Variants in LRCH3 observed in about 807,000 individuals in gnomAD.
The protein encoded by LRCH3 is leucine rich repeats and calponin homology domain containing 3.
In LRCH3, 68 loss-of-function variants were observed where a neutral mutation model predicts 104.5. The ratio of observed to expected loss-of-function variants is 0.65; its 90% CI spans 0.54 to 0.80. LRCH3 has a LOEUF of 0.80. Among genes scored for constraint, LRCH3 ranks in the 30% least tolerant of loss-of-function variants. The pLI, the probability that LRCH3 is intolerant of heterozygous loss-of-function variation, is 0.00. For missense variants in LRCH3, 951 were observed against 953.9 expected (o/e 1.00, Z 0.04); for synonymous variants, 344 against 361.3 (o/e 0.95, Z 0.54).
At chr3:197,846,576 C>T (rs1296011772) in intron 10 of LRCH3, among the ~76,000 whole-genome samples, 1 of 150,994 alleles carries the variant, frequency 6.6e-6, no homozygotes, top group Non-Finnish European at 1.5e-5. Context: ...ACAAAGACAG[C>T]TGGGCGTGAT....
chr3:197,871,624 G>T, intron 19 of LRCH3, 162 bp downstream of exon 19: 1 of 873,516 alleles, frequency 1.1e-6, no homozygotes, highest in Non-Finnish European at 1.7e-6. Flanking sequence ...AAATAGACAT[G>T]TATACAGCTA....
At position 197,835,671 on chromosome 3, in the gene LRCH3, C is replaced by T; in HGVS notation, c.1103-3C>T. ...TGTGTGGGTGTGTGTGTGGTGTATA[C>T]AGTGGAACATGATCTGGATCAGATT... is the stretch of plus-strand genomic sequence containing the variant. On this transcript the variant is annotated splice_region_variant and splice_polypyrimidine_tract_variant and intron_variant, in intron 8 of 20. Transcript: ENST00000425562. 6.2e-7 allele frequency: 1 copy of T among 1,610,952 alleles called. No homozygotes were observed. Among genetic ancestry groups the T allele is most frequent in the South Asian group, 1.1e-5 (1 of 90,804 alleles).
At chr3:197,800,581 G>A (rs1309334974) in intron 1 of LRCH3, among the ~76,000 whole-genome samples, 2 of 152,150 alleles carry the variant, frequency 1.3e-5, no homozygotes, top group Non-Finnish European at 2.9e-5. Context: ...GTGAATTGGT[G>A]CCTCAACTTT....
Position 197,854,583 on chromosome 3 carries a change from A to C in LRCH3, c.1644+138A>C, listed in dbSNP as rs761920743. 2.1e-4 allele frequency: 177 copies of C among 826,608 alleles called. No homozygotes were observed. The highest frequency in any genetic ancestry group is 3.3e-4 in the Non-Finnish European group (168 of 505,528). The allele number at this position is 826,608 out of a possible 1,614,324, so 51.2% of individuals were successfully genotyped here. Reference sequence around the variant, plus strand: ...TTATGAAGAACTAAACCATTTTCCCACATGACCATTTGTGATTGACCCAGT... The same window carrying C: ...TTATGAAGAACTAAACCATTTTCCCCCATGACCATTTGTGATTGACCCAGT... On this transcript the variant is annotated intron_variant, in intron 14 of 20. Transcript: ENST00000425562. This position sits in a 1 kb window ranked among gnomAD's most constrained non-coding sequence, Gnocchi z 4.5.
rs547896433 is a variant in LRCH3, at chr3:197,820,318, G to A, written c.535-7G>A. ...GACAATCTTTATTTTGTATCTTTTC[G>A]AAATAGGATGTGAGCTGCAATGAAA... On this transcript the variant is annotated splice_region_variant and splice_polypyrimidine_tract_variant and intron_variant, in intron 3 of 20. Coordinates refer to ENST00000425562, the MANE Select transcript of LRCH3 (RefSeq NM_001365715.1). 3.6e-5 allele frequency: 57 copies of A among 1,588,674 alleles called. No homozygotes were observed. The highest frequency in any genetic ancestry group is 2.2e-4 in the East Asian group (10 of 44,720).
At chr3:197,840,584 T>G (rs754794085) in intron 10 of LRCH3, among the ~76,000 whole-genome samples, 7 of 152,360 alleles carry the variant, frequency 4.6e-5, no homozygotes, top group Admixed American at 2.0e-4. Flanking sequence ...CAGCCTTTAG[T>G]TCTTTGCCTT....
chr3:197,800,273 T>C (rs1467151032), intron 1 of LRCH3, among the ~76,000 whole-genome samples: 1 of 152,196 alleles, frequency 6.6e-6, no homozygotes, highest in Non-Finnish European at 1.5e-5. Context: ...GCCACAGTCT[T>C]CTTAAGATTT....
At position 197,826,488 on chromosome 3, in the gene LRCH3, C is replaced by G. The variant is rs566728691; in HGVS notation, c.641-390C>G. Among the ~76,000 whole-genome samples, 3 of 152,264 alleles carry G rather than the reference C, an allele frequency of 2.0e-5. No individual in the cohort carries two copies. In the East Asian group the frequency reaches 5.8e-4, roughly 29 times the overall value. On this transcript the variant is annotated intron_variant, in intron 4 of 20. Coordinates refer to ENST00000425562, the MANE Select transcript of LRCH3 (RefSeq NM_001365715.1). ...TTCACTAGAAAATAACTTGCTGATT[C>G]CTGGGAACATTGGAGAAGGATAGTG...
At chr3:197,794,230 ACT>A (rs1256319845) in intron 1 of LRCH3, among the ~76,000 whole-genome samples, 1 of 152,146 alleles carries the variant, frequency 6.6e-6, no homozygotes, top group Non-Finnish European at 1.5e-5. Flanking sequence ...GGTTCATCTA[ACT>A]CTGTTCTTTC....
chr3:197,820,631 G>A (rs780989622), intron 4 of LRCH3, among the ~76,000 whole-genome samples: 7 of 152,222 alleles, frequency 4.6e-5, no homozygotes, highest in Non-Finnish European at 1.0e-4. Flanking sequence ...GGCAATATAG[G>A]GAGTCTGTCT....
At chr3:197,858,145 A>T (rs1425908031) in intron 14 of LRCH3, among the ~76,000 whole-genome samples, 1 of 152,240 alleles carries the variant, frequency 6.6e-6, no homozygotes, top group Non-Finnish European at 1.5e-5. Context: ...CAAATGAGAA[A>T]AATTGTCATG....
intron 1 of LRCH3, among the ~76,000 whole-genome samples, chr3:197,798,298 A>G (rs756716996): frequency 1.3e-5 from 2 of 152,156 alleles, no homozygotes; most frequent in East Asian, 3.8e-4. Flanking sequence ...GAGAGAAGCA[A>G]TCTCAGATTA....
At chr3:197,857,647 T>G (rs1178330924) in intron 14 of LRCH3, among the ~76,000 whole-genome samples, 1 of 152,258 alleles carries the variant, frequency 6.6e-6, no homozygotes, top group Non-Finnish European at 1.5e-5. Context: ...TTACCTCTTC[T>G]TCCTCCACTC....
At chr3:197,839,196 G>C in intron 9 of LRCH3, 125 bp from the exon 10 acceptor site, 2 of 626,586 alleles carry the variant, frequency 3.2e-6, no homozygotes, top group Non-Finnish European at 5.5e-6. Context: ...GTTTACATTT[G>C]AAGAGTCTAT....
chr3:197,883,398 C>A lies in LRCH3; in HGVS notation c.2209-143C>A. 1 of 1,397,838 alleles carries A rather than the reference C, an allele frequency of 7.2e-7. No individual in the cohort carries two copies. Among genetic ancestry groups the A allele is most frequent in the Non-Finnish European group, 9.4e-7 (1 of 1,068,520 alleles). 86.6% of individuals were successfully genotyped at this position (1,397,838 alleles called of 1,614,324 possible). A position where few individuals can be genotyped will look rare whatever the true frequency, so the allele number is the denominator to read the frequency against. ...ACCATCTCTCTAACTCATATTTACACTGAGGTCAGTTTCCCAGGTACTAAT... is the reference window on the plus strand; with the variant it reads ...ACCATCTCTCTAACTCATATTTACAATGAGGTCAGTTTCCCAGGTACTAAT... On this transcript the variant is annotated intron_variant, in intron 20 of 20. Coordinates refer to ENST00000425562, the MANE Select transcript of LRCH3 (RefSeq NM_001365715.1). The surrounding 1 kb of genome is among the most constrained non-coding windows in gnomAD (Gnocchi z 4.2).
chr3:197,833,390 AAGC>A (rs1736237700), intron 8 of LRCH3, among the ~76,000 whole-genome samples: 4 of 150,022 alleles, frequency 2.7e-5, no homozygotes, highest in Non-Finnish European at 5.9e-5. Flanking sequence ...AAAAAAAAAA[AAGC>A]AGGGCATAGT....
At chr3:197,875,399 G>C (rs1340654645) in intron 19 of LRCH3, among the ~76,000 whole-genome samples, 1 of 152,226 alleles carries the variant, frequency 6.6e-6, no homozygotes, top group Non-Finnish European at 1.5e-5. Context: ...GCATTTAGCT[G>C]ATGCCTCTGA....
At position 197,813,510 on chromosome 3, in the gene LRCH3, ATT is replaced by A. The variant is rs57062885; in HGVS notation, c.263-1361_263-1360del. ...CCGTTCTTCTAATGGGAGGCATATA[ATT>A]TTTTTTTTTTTTTTTTTTTTTTTTT... On this transcript the variant is annotated intron_variant, in intron 1 of 20. Transcript: ENST00000425562. Among the ~76,000 whole-genome samples, 30 of 66,038 alleles carry A rather than the reference ATT, an allele frequency of 4.5e-4. 3 individuals carry two copies. The highest frequency in any genetic ancestry group is 1.0e-3 in the African/African-American group (22 of 21,186). The allele number at this position is 66,038 out of a possible 152,430, so 43.3% of individuals were successfully genotyped here. A position where few individuals can be genotyped will look rare whatever the true frequency, so the allele number is the denominator to read the frequency against.
At chr3:197,801,009 C>A (rs1022375333) in intron 1 of LRCH3, among the ~76,000 whole-genome samples, 1 of 151,298 alleles carries the variant, frequency 6.6e-6, no homozygotes, top group Non-Finnish European at 1.5e-5. Context: ...GCAGGAGAAT[C>A]GCTTGAACTT....
Sources: gnomAD v4.1 joint callset for allele counts (sites outside exome capture counted in the v4.1 genomes callset) on GRCh38, gnomAD v4.1.1 for gene constraint, Gnocchi (gnomAD v3.1) non-coding constraint, MANE v1.5 for transcripts, NCBI Gene and HGNC (gene_info 2026-07-23, HGNC 2026-07-21) for gene names.